Variants in HMGN5 observed in about 807,000 individuals in gnomAD.
The protein encoded by HMGN5 is high mobility group nucleosome-binding domain-containing protein 5.
Under a neutral mutation model 9.5 loss-of-function variants are expected in HMGN5, and 4 were observed. The observed-to-expected ratio is 0.42, with a 90% CI of 0.21 to 0.96. HMGN5 has a LOEUF of 0.96. HMGN5 is among the 40% of genes least tolerant of loss of function. HMGN5 has a pLI of 0.30. For synonymous variants in HMGN5, 55 were observed against 57.1 expected, an observed-to-expected ratio of 0.96 and a Z score of 0.16; for missense variants, 192 against 187.5, an observed-to-expected ratio of 1.02 and a Z score of -0.14.
At chrX:81,118,792 A>T (rs773172150) in intron 3 of HMGN5, 33 bp from the exon 4 acceptor site, 1 of 1,024,669 alleles carries the variant, frequency 9.8e-7, no homozygotes, top group Non-Finnish European at 1.4e-6. Flanking sequence ...TGTTAAGAGA[A>T]TTATGGATAC....
Position 81,115,071 on chromosome X carries a change from C to T in HMGN5, c.427G>A (p.Glu143Lys), listed in dbSNP as rs896382985. Reference sequence around the variant, plus strand: ...TCATCTTTGTCTTCTTTTCCAGCTTCCCCTTTCTCTTCGTTTTGATCTTCT... The same window carrying T: ...TCATCTTTGTCTTCTTTTCCAGCTTTCCCTTTCTCTTCGTTTTGATCTTCT... ...DEEDQNEEKGEAGKEDKDEKG... is the reference protein window; with the variant it reads ...DEEDQNEEKGKAGKEDKDEKG... The change falls in exon 7 of 7, where the codon GAA (glutamate) becomes AAA (lysine). Residue 143 changes from glutamate to lysine, a missense_variant. By Grantham distance (56) the Glu-to-Lys change is moderately conservative (BLOSUM62 1). Coordinates refer to ENST00000358130, the MANE Select transcript of HMGN5 (RefSeq NM_030763.3). The T allele has an allele frequency of 4.3e-6, 5 of 1,155,913 alleles. No homozygotes were observed. The highest frequency in any genetic ancestry group is 2.7e-5 in the Admixed American group (1 of 37,624).
intron 1 of HMGN5, among the ~76,000 whole-genome samples, chrX:81,129,259 T>A (rs73631720): frequency 9.0e-6 from 1 of 111,697 alleles, no homozygotes; most frequent in East Asian, 2.8e-4. Context: ...CACCAATTTA[T>A]ACTCTGACAC....
At chrX:81,147,633 G>T (rs1488697746) in intron 1 of HMGN5, among the ~76,000 whole-genome samples, 1 of 111,162 alleles carries the variant, frequency 9.0e-6, no homozygotes, top group Non-Finnish European at 1.9e-5. Context: ...TCTGGCTAGG[G>T]CAATCAGGCA....
chrX:81,128,682 A>C (rs1476190201), intron 1 of HMGN5, among the ~76,000 whole-genome samples: 1 of 111,624 alleles, frequency 9.0e-6, no homozygotes, highest in East Asian at 2.8e-4. Context: ...TATATGGTTC[A>C]TGCTTTTTTG....
chrX:81,168,573 G>A (rs911646979), intron 1 of HMGN5, among the ~76,000 whole-genome samples: 1 of 111,537 alleles, frequency 9.0e-6, no homozygotes, highest in African/African-American at 3.3e-5. Flanking sequence ...AGTCACAACA[G>A]TACTGTCAGT....
At chrX:81,183,857 G>A (rs1007943369) in intron 1 of HMGN5, among the ~76,000 whole-genome samples, 19 of 102,916 alleles carry the variant, frequency 1.8e-4, no homozygotes, top group African/African-American at 5.9e-4. Context: ...TTTGAAACAG[G>A]AGTGCTTATT....
rs191995832 is a variant in HMGN5 at position 81,180,552 on chromosome X, G to A, written c.-124+21185C>T. On this transcript the variant is annotated intron_variant, in intron 1 of 6. Transcript: ENST00000358130. ...AATCATTAAAAAGTCAGGAAACAAC[G>A]GATGCTGGAGAGGATATGGAGAAAT... Among the ~76,000 whole-genome samples the A allele has an allele frequency of 4.2e-3, 466 of 111,559 alleles. 2 individuals are homozygous for A. Among genetic ancestry groups the A allele is most frequent in the African/African-American group, 0.014 (445 of 30,694 alleles).
chrX:81,163,990 C>G (rs748107827), intron 1 of HMGN5, among the ~76,000 whole-genome samples: 2 of 111,374 alleles, frequency 1.8e-5, no homozygotes, highest in Non-Finnish European at 3.8e-5. Context: ...ACATAAAGCT[C>G]TGTAGTTTCA....
At chrX:81,181,074 C>G (rs953227667) in intron 1 of HMGN5, among the ~76,000 whole-genome samples, 6 of 110,509 alleles carry the variant, frequency 5.4e-5, no homozygotes, top group African/African-American at 2.0e-4. Flanking sequence ...GGAGGGATAG[C>G]ATTAGGAGAT....
intron 1 of HMGN5, among the ~76,000 whole-genome samples, chrX:81,176,506 T>G (rs1206761591): frequency 9.0e-6 from 1 of 110,903 alleles, no homozygotes; most frequent in Non-Finnish European, 1.9e-5. Context: ...GGAGCATGTT[T>G]GAACCCATTG....
In HMGN5 at chrX:81,114,098, T is replaced by C. The variant is rs1321230038; in HGVS notation, c.*551A>G. The C allele has an allele frequency of 8.9e-6, 1 of 111,768 alleles. No homozygotes were observed. The highest frequency in any genetic ancestry group is 1.9e-5 in the Non-Finnish European group (1 of 53,128). 9.2% of individuals were successfully genotyped at this position (111,768 alleles called of 1,213,427 possible). On this transcript the variant is annotated 3_prime_UTR_variant, in exon 7 of 7. Transcript: ENST00000358130. ...GTCAGAGTCTTTTTATTAAGATAAA[T>C]CCAGTAAAATTTGTGTATTCACATA...
intron 1 of HMGN5, among the ~76,000 whole-genome samples, chrX:81,190,955 T>C (rs1218188021): frequency 8.9e-6 from 1 of 111,892 alleles, no homozygotes; most frequent in Non-Finnish European, 1.9e-5. Context: ...CCACACTGTC[T>C]TGATTTCTGT....
intron 1 of HMGN5, among the ~76,000 whole-genome samples, chrX:81,142,549 G>A (rs900927441): frequency 9.0e-6 from 1 of 111,551 alleles, no homozygotes; most frequent in African/African-American, 3.3e-5. Context: ...AACCTGACAT[G>A]CCAGGAGAGA....
chrX:81,140,546 C>T (rs1400713237), intron 1 of HMGN5, among the ~76,000 whole-genome samples: 3 of 79,677 alleles, frequency 3.8e-5, no homozygotes, highest in Non-Finnish European at 7.0e-5. Context: ...GGCGACAGAG[C>T]GAGACTCTGT....
intron 1 of HMGN5, among the ~76,000 whole-genome samples, chrX:81,132,504 A>T (rs142631230): frequency 9.0e-6 from 1 of 111,524 alleles, no homozygotes; most frequent in Non-Finnish European, 1.9e-5. Context: ...ACTGGCATAG[A>T]CCAATGGAAT....
intron 1 of HMGN5, among the ~76,000 whole-genome samples, chrX:81,171,081 T>A (rs1428657957): frequency 9.0e-6 from 1 of 111,653 alleles, no homozygotes; most frequent in Non-Finnish European, 1.9e-5. Flanking sequence ...GTCACAAGAA[T>A]AACACATCGC....
chrX:81,148,610 C>G (rs2075352258), intron 1 of HMGN5, among the ~76,000 whole-genome samples: 1 of 111,642 alleles, frequency 9.0e-6, no homozygotes, highest in Admixed American at 9.5e-5. Context: ...GCAATGGCAA[C>G]AAAAGCCAAA....
intron 1 of HMGN5, among the ~76,000 whole-genome samples, chrX:81,173,379 G>A (rs1292602256): frequency 1.8e-5 from 2 of 111,266 alleles, no homozygotes; most frequent in African/African-American, 3.3e-5. Context: ...AACACTCGAA[G>A]TAGCCACAAT....
intron 6 of HMGN5, 51 bp from the exon 7 acceptor site, chrX:81,115,281 C>A: frequency 9.2e-7 from 1 of 1,081,561 alleles, no homozygotes; most frequent in South Asian, 2.7e-5. Context: ...AATTTAGAAC[C>A]ATTTCCCCTA....
Sources: gnomAD v4.1 joint callset for allele counts (sites outside exome capture counted in the v4.1 genomes callset) on GRCh38, gnomAD v4.1.1 for gene constraint, MANE v1.5 for transcripts, NCBI Gene and HGNC (gene_info 2026-07-23, HGNC 2026-07-21) for gene names.